Variants in PDE10A observed in about 807,000 individuals in gnomAD.
PDE10A encodes phosphodiesterase 10A, also known as cAMP and cAMP-inhibited cGMP 3',5'-cyclic phosphodiesterase 10A.
In PDE10A, 39 loss-of-function variants were observed where a neutral mutation model predicts 97.7. The observed-to-expected ratio is 0.40, with a 90% CI of 0.31 to 0.52. The LOEUF (loss-of-function observed/expected upper bound fraction) is 0.52, where lower values mean the gene tolerates loss of function less well. Among genes scored for constraint, PDE10A ranks in the 20% least tolerant of loss-of-function variants. The probability of loss-of-function intolerance (pLI) is 0.56; values close to 1 mark genes in which losing one functional copy is unlikely to be tolerated. For synonymous variants in PDE10A, 371 were observed against 376.8 expected (o/e 0.98, Z 0.18); for missense variants, 731 against 1,047.8 (o/e 0.70, Z 4.17).
At chr6:165,339,912 G>A (rs1467520975) in intron 19 of PDE10A, among the ~76,000 whole-genome samples, 3 of 151,978 alleles carry the variant, frequency 2.0e-5, no homozygotes, top group Non-Finnish European at 4.4e-5. Context: ...TACAGTTACA[G>A]GTAATAGTTA....
At chr6:165,686,049 G>A (rs1476931656) in intron 1 of PDE10A, among the ~76,000 whole-genome samples, 1 of 151,922 alleles carries the variant, frequency 6.6e-6, no homozygotes, top group African/African-American at 2.4e-5. Flanking sequence ...TTGGCTCACT[G>A]GGAGATGGGT....
chr6:165,507,679 C>T (rs1781277842), intron 2 of PDE10A, among the ~76,000 whole-genome samples: 1 of 152,046 alleles, frequency 6.6e-6, no homozygotes, highest in South Asian at 2.1e-4. Flanking sequence ...TCTTCCTCTC[C>T]ACTTCATTTT....
chr6:165,635,615 A>G (rs1329946389), intron 1 of PDE10A, among the ~76,000 whole-genome samples: 1 of 152,258 alleles, frequency 6.6e-6, no homozygotes, highest in African/African-American at 2.4e-5. Flanking sequence ...TGGCAAATCT[A>G]AACATTTTCT....
chr6:165,540,161 T>C (rs1783344334), intron 2 of PDE10A, among the ~76,000 whole-genome samples: 1 of 152,288 alleles, frequency 6.6e-6, no homozygotes, highest in Admixed American at 6.5e-5. Flanking sequence ...TGCCTTCAAA[T>C]TGATCTCATA....
At chr6:165,848,347 G>A (rs529358713) in intron 1 of PDE10A, among the ~76,000 whole-genome samples, 10 of 152,248 alleles carry the variant, frequency 6.6e-5, no homozygotes, top group African/African-American at 1.2e-4. Context: ...TGGGCTCCAC[G>A]GGGCGGTGGC....
At chr6:165,850,222 C>T (rs1780537869) in intron 1 of PDE10A, among the ~76,000 whole-genome samples, 1 of 152,220 alleles carries the variant, frequency 6.6e-6, no homozygotes, top group Non-Finnish European at 1.5e-5. Context: ...ACCTGGACTC[C>T]GGGAGGCGCC....
intron 1 of PDE10A, among the ~76,000 whole-genome samples, chr6:165,812,032 T>A (rs1779297394): frequency 6.6e-6 from 1 of 152,116 alleles, no homozygotes; most frequent in African/African-American, 2.4e-5. Context: ...ATTTGTATTT[T>A]TAATAGAGAC....
intron 2 of PDE10A, among the ~76,000 whole-genome samples, chr6:165,533,311 T>C (rs1217250690): frequency 6.6e-6 from 1 of 152,156 alleles, no homozygotes; most frequent in Non-Finnish European, 1.5e-5. Context: ...GAGAACATCA[T>C]AGAGTGACTT....
intron 1 of PDE10A, among the ~76,000 whole-genome samples, chr6:165,871,035 T>C (rs1781191912): frequency 6.6e-6 from 1 of 152,178 alleles, no homozygotes; most frequent in African/African-American, 2.4e-5. Context: ...TGTTCGATGG[T>C]AGAGTGACGA....
intron 1 of PDE10A, among the ~76,000 whole-genome samples, chr6:165,981,372 G>C (rs975354823): frequency 6.6e-6 from 1 of 152,158 alleles, no homozygotes; most frequent in African/African-American, 2.4e-5. Flanking sequence ...TCCAGTTATG[G>C]TTTATGTTCA....
chr6:165,721,438 A>G (rs1335390057), intron 1 of PDE10A, among the ~76,000 whole-genome samples: 3 of 152,220 alleles, frequency 2.0e-5, no homozygotes, highest in Admixed American at 2.0e-4. Context: ...ATGAATAAAG[A>G]CCCAAGAGAA....
At chr6:165,853,254 T>C (rs986363265) in intron 1 of PDE10A, among the ~76,000 whole-genome samples, 5 of 152,216 alleles carry the variant, frequency 3.3e-5, no homozygotes, top group African/African-American at 1.2e-4. Flanking sequence ...CCATTTCACA[T>C]TGGAAAACAT....
chr6:165,554,223 C>A lies in PDE10A; in HGVS notation c.866-10655G>T, dbSNP rs542299613. Among the ~76,000 whole-genome samples, 18 of 152,086 alleles carry A rather than the reference C, an allele frequency of 1.2e-4. No individual in the cohort carries two copies. In the East Asian group the frequency reaches 3.5e-3, roughly 29 times the overall value. On this transcript the variant is annotated intron_variant, in intron 1 of 21. Coordinates refer to ENST00000539869, the MANE Select transcript of PDE10A (RefSeq NM_001385079.1). ...GGATACAATCAACAAAGTGAAGAGACAATCCATGGACTGGGAGAAAATATT... is the reference window on the plus strand; with the variant it reads ...GGATACAATCAACAAAGTGAAGAGAAAATCCATGGACTGGGAGAAAATATT...
At chr6:165,783,829 G>A (rs996054328) in intron 1 of PDE10A, among the ~76,000 whole-genome samples, 31 of 152,312 alleles carry the variant, frequency 2.0e-4, no homozygotes, top group South Asian at 6.2e-4. Flanking sequence ...GACTTGCCAC[G>A]TTCCTAGTGC....
At chr6:165,429,182 G>A (rs1389875559) in intron 9 of PDE10A, among the ~76,000 whole-genome samples, 1 of 152,064 alleles carries the variant, frequency 6.6e-6, no homozygotes, top group African/African-American at 2.4e-5. Flanking sequence ...ATTAATTTGA[G>A]AAGAAATGTC....
intron 1 of PDE10A, among the ~76,000 whole-genome samples, chr6:165,984,182 A>C (rs1785110350): frequency 6.6e-6 from 1 of 152,254 alleles, no homozygotes; most frequent in South Asian, 2.1e-4. Flanking sequence ...ACTGTACAAC[A>C]AATCATTTTG....
intron 1 of PDE10A, among the ~76,000 whole-genome samples, chr6:165,957,961 T>G (rs1375788769): frequency 6.6e-6 from 1 of 152,156 alleles, no homozygotes; most frequent in East Asian, 1.9e-4. Flanking sequence ...GAGCAAGCGG[T>G]GGTTCCCCAG....
At chr6:165,486,894 C>T (rs919934002) in intron 2 of PDE10A, among the ~76,000 whole-genome samples, 20 of 152,266 alleles carry the variant, frequency 1.3e-4, no homozygotes, top group East Asian at 7.7e-4. Flanking sequence ...AGTGGAATTA[C>T]GAGGGTGACG....
chr6:165,426,268 A>C (rs1426375885), intron 10 of PDE10A, among the ~76,000 whole-genome samples: 1 of 152,162 alleles, frequency 6.6e-6, no homozygotes, highest in African/African-American at 2.4e-5. Context: ...GGGAACTCAC[A>C]CTTCTTAATT....
Sources: gnomAD v4.1 joint callset for allele counts (sites outside exome capture counted in the v4.1 genomes callset) on GRCh38, gnomAD v4.1.1 for gene constraint, MANE v1.5 for transcripts, NCBI Gene and HGNC (gene_info 2026-07-23, HGNC 2026-07-21) for gene names.